Variants in RAPGEF2 observed in about 807,000 individuals in gnomAD.
RAPGEF2 encodes Rap guanine nucleotide exchange factor 2.
Under a neutral mutation model 186.7 loss-of-function variants are expected in RAPGEF2, and 54 were observed. The observed-to-expected ratio is 0.29, with a 90% CI of 0.23 to 0.36. The LOEUF is 0.36. RAPGEF2 is among the 10% of genes least tolerant of loss of function. RAPGEF2 has a pLI of 1.00. For missense variants in RAPGEF2, 1,532 were observed against 2,045.0 expected (o/e 0.75, Z 4.84); for synonymous variants, 712 against 705.9 (o/e 1.01, Z -0.14).
chr4:159,138,659 A>G (rs780383150), intron 1 of RAPGEF2, among the ~76,000 whole-genome samples: 8 of 152,196 alleles, frequency 5.3e-5, no homozygotes, highest in Non-Finnish European at 1.2e-4. Context: ...ACATTGGGGA[A>G]TGTTTTTTAA....
Position 159,353,638 on chromosome 4 carries a change from A to G in RAPGEF2, c.4243A>G (p.Ser1415Gly). 6.3e-7 allele frequency: 1 copy of G among 1,594,436 alleles called. No homozygotes were observed. Among genetic ancestry groups the G allele is most frequent in the Non-Finnish European group, 8.5e-7 (1 of 1,171,908 alleles). Residue 1415 changes from serine to glycine, a missense_variant, in exon 28 of 30, where the codon AGT becomes GGT. Ser to Gly is a moderately conservative substitution (Grantham distance 56). Coordinates refer to ENST00000691494, the MANE Select transcript of RAPGEF2 (RefSeq NM_001394067.2). This position sits in a 1 kb window ranked among gnomAD's most constrained non-coding sequence, Gnocchi z 4.3. ...SGRGSWTSCS[S>G]GSHDNIQTIQ... is the part of the protein sequence containing the mutation. ...CCGTGGGAGCTGGACGTCATGCTCA[A>G]GTGGCTCCCATGATAATATACAGAC...
intron 7 of RAPGEF2, among the ~76,000 whole-genome samples, chr4:159,279,053 T>C (rs1759321339): frequency 6.6e-6 from 1 of 152,202 alleles, no homozygotes; most frequent in Non-Finnish European, 1.5e-5. Flanking sequence ...AACCTTCTTT[T>C]TACTAGTTCA....
chr4:159,188,177 C>G (rs981207427), intron 2 of RAPGEF2, among the ~76,000 whole-genome samples: 8 of 152,058 alleles, frequency 5.3e-5, no homozygotes, highest in Non-Finnish European at 1.0e-4. Flanking sequence ...TATTTAATTG[C>G]GTGCGGTTAA....
intron 1 of RAPGEF2, among the ~76,000 whole-genome samples, chr4:159,164,035 C>G (rs1171389724): frequency 6.6e-6 from 1 of 150,638 alleles, no homozygotes; most frequent in African/African-American, 2.4e-5. Context: ...GACGGAGTCT[C>G]GCCGTGTCCC....
At chr4:159,203,909 A>G (rs1214595621) in intron 3 of RAPGEF2, among the ~76,000 whole-genome samples, 1 of 152,232 alleles carries the variant, frequency 6.6e-6, no homozygotes, top group Non-Finnish European at 1.5e-5. Flanking sequence ...GAATCTCAGA[A>G]TTTGACTTTA....
Position 159,353,293 on chromosome 4 carries a change from T to G in RAPGEF2, c.4092-194T>G, listed in dbSNP as rs1463960809. ...GCGTTCTTTTCCCGCATGCCTGTTT[T>G]ATAGTAATGATAAAGTCAGAAGGCT... On this transcript the variant is annotated intron_variant, in intron 27 of 29. Transcript: ENST00000691494. This position sits in a 1 kb window ranked among gnomAD's most constrained non-coding sequence, Gnocchi z 4.3. Among the ~76,000 whole-genome samples the G allele has an allele frequency of 6.6e-6, 1 of 152,006 alleles. No homozygotes were observed. Among genetic ancestry groups the G allele is most frequent in the Admixed American group, 6.6e-5 (1 of 15,266 alleles).
At chr4:159,259,708 T>A (rs1756580784) in intron 7 of RAPGEF2, among the ~76,000 whole-genome samples, 1 of 152,134 alleles carries the variant, frequency 6.6e-6, no homozygotes, top group Non-Finnish European at 1.5e-5. Flanking sequence ...TTATTCATAG[T>A]TTTTAGAGGT....
chr4:159,268,112 T>C (rs945058357), intron 7 of RAPGEF2: 15 of 1,606,672 alleles, frequency 9.3e-6, no homozygotes, highest in Non-Finnish European at 1.3e-5. Context: ...CGTGAGAGAT[T>C]GGTACATGAT....
chr4:159,142,324 G>C (rs1742441367), intron 1 of RAPGEF2, among the ~76,000 whole-genome samples: 2 of 152,046 alleles, frequency 1.3e-5, no homozygotes, highest in Non-Finnish European at 2.9e-5. Flanking sequence ...GTTGATTTCT[G>C]ACAAAACCAA....
chr4:159,297,794 G>T (rs1237774184), intron 7 of RAPGEF2, among the ~76,000 whole-genome samples: 1 of 152,164 alleles, frequency 6.6e-6, no homozygotes, highest in Non-Finnish European at 1.5e-5. Context: ...AATGACAGAA[G>T]AAATGAGAAG....
intron 3 of RAPGEF2, among the ~76,000 whole-genome samples, chr4:159,201,195 C>T (rs182802086): frequency 2.9e-4 from 44 of 152,246 alleles, no homozygotes; most frequent in African/African-American, 8.9e-4. Flanking sequence ...TATAGCTCAG[C>T]GCTCCATCAG....
At chr4:159,226,529 G>A (rs1011888400) in intron 4 of RAPGEF2, among the ~76,000 whole-genome samples, 3 of 152,118 alleles carry the variant, frequency 2.0e-5, no homozygotes, top group African/African-American at 7.2e-5. Flanking sequence ...TTAGGATTTG[G>A]TTGGAATTGC....
chr4:159,307,067 G>T (rs1763389553), intron 8 of RAPGEF2, among the ~76,000 whole-genome samples: 2 of 152,062 alleles, frequency 1.3e-5, no homozygotes, highest in African/African-American at 4.8e-5. Context: ...AATACATTAT[G>T]TTACTATTGG....
At chr4:159,218,734 G>A (rs1751228103) in intron 4 of RAPGEF2, among the ~76,000 whole-genome samples, 1 of 151,926 alleles carries the variant, frequency 6.6e-6, no homozygotes. Context: ...CTCCAGCCTG[G>A]GCAACAGAGC....
At chr4:159,206,426 C>G (rs144280164) in intron 3 of RAPGEF2, among the ~76,000 whole-genome samples, 10 of 152,310 alleles carry the variant, frequency 6.6e-5, no homozygotes, top group Admixed American at 6.5e-4. Context: ...TGTCAGTCTT[C>G]TCTTAACCAG....
intron 4 of RAPGEF2, among the ~76,000 whole-genome samples, chr4:159,237,258 T>C (rs1753380364): frequency 6.6e-6 from 1 of 152,106 alleles, no homozygotes; most frequent in Non-Finnish European, 1.5e-5. Context: ...TGGGCTCAAG[T>C]GATCAGCCCT....
chr4:159,273,066 A>G (rs1309447814), intron 7 of RAPGEF2, among the ~76,000 whole-genome samples: 2 of 152,134 alleles, frequency 1.3e-5, no homozygotes, highest in Non-Finnish European at 2.9e-5. Flanking sequence ...ACCAGGACTA[A>G]TTGTAGAGGC....
intron 7 of RAPGEF2, among the ~76,000 whole-genome samples, chr4:159,249,721 G>C (rs1755081017): frequency 6.6e-6 from 1 of 151,680 alleles, no homozygotes; most frequent in Admixed American, 6.6e-5. Flanking sequence ...AAACTGATCA[G>C]GGAAAAACCT....
intron 7 of RAPGEF2, among the ~76,000 whole-genome samples, chr4:159,259,717 G>A (rs1182536036): frequency 6.6e-6 from 1 of 151,888 alleles, no homozygotes; most frequent in Non-Finnish European, 1.5e-5. Flanking sequence ...GTTTTTAGAG[G>A]TGAAAAAAAT....
Sources: allele counts gnomAD v4.1 joint callset (sites outside exome capture counted in the v4.1 genomes callset), GRCh38; gene constraint gnomAD v4.1.1; non-coding constraint Gnocchi (gnomAD v3.1); transcripts MANE v1.5; gene names NCBI Gene and HGNC (gene_info 2026-07-23, HGNC 2026-07-21).